The following RAB23 variants were observed in gnomAD, a reference collection of about 807,000 sequenced individuals.
RAB23 encodes RAB23, member RAS oncogene family, also known as ras-related protein Rab-23.
A neutral mutation model predicts 30.0 loss-of-function variants in RAB23; 15 were observed. The observed-to-expected ratio is 0.50, with a 90% confidence interval of 0.33 to 0.77. The LOEUF (loss-of-function observed/expected upper bound fraction) is 0.77. RAB23 is among the 30% of genes least tolerant of loss of function. The probability of loss-of-function intolerance (pLI) is 0.02; values close to 1 mark genes in which losing one functional copy is unlikely to be tolerated. For missense variants in RAB23, 243 were observed against 275.4 expected (o/e 0.88, Z 0.83); for synonymous variants, 93 against 94.0 (o/e 0.99, Z 0.06).
chr6:57,216,646 A>C (rs184982586), intron 1 of RAB23, among the ~76,000 whole-genome samples: 1 of 152,316 alleles, frequency 6.6e-6, no homozygotes, highest in East Asian at 1.9e-4. Context: ...AAGGAATAAA[A>C]GAGTGGCTGC....
At chr6:57,208,106 A>T (rs1342633160) in intron 2 of RAB23, among the ~76,000 whole-genome samples, 1 of 152,234 alleles carries the variant, frequency 6.6e-6, no homozygotes, top group Non-Finnish European at 1.5e-5. Flanking sequence ...AAAACTGAGT[A>T]CTTTCGGATG....
chr6:57,216,241 A>C (rs1765831193), intron 1 of RAB23, among the ~76,000 whole-genome samples: 1 of 152,200 alleles, frequency 6.6e-6, no homozygotes, highest in Admixed American at 6.5e-5. Context: ...ACATTTTAGT[A>C]TGTTCACACA....
chr6:57,207,297 TTTCGTATGTTAGCTTC>T (rs892942099), intron 3 of RAB23, among the ~76,000 whole-genome samples: 4 of 152,200 alleles, frequency 2.6e-5, no homozygotes, highest in Non-Finnish European at 4.4e-5. Context: ...GGCTTTACTT[TTTCGTATGTTAGCTTC>T]CACTCTCTGA....
intron 1 of RAB23, among the ~76,000 whole-genome samples, chr6:57,217,921 T>C (rs1765910428): frequency 1.3e-5 from 2 of 152,204 alleles, no homozygotes; most frequent in African/African-American, 4.8e-5. Flanking sequence ...ACATAGACTC[T>C]GCAGACTCAA....
chr6:57,201,162 C>A (rs1765240137), intron 3 of RAB23, among the ~76,000 whole-genome samples: 1 of 151,136 alleles, frequency 6.6e-6, no homozygotes, highest in African/African-American at 2.4e-5. Flanking sequence ...TGGCTCACGG[C>A]AGCCTCTGCC....
rs899777599 is a variant in RAB23 at position 57,207,749 on chromosome 6, G to A, written c.156-36C>T. 3 of 1,400,910 alleles carry A rather than the reference G, an allele frequency of 2.1e-6. No individual in the cohort carries two copies. In the African/African-American group the frequency reaches 4.3e-5, roughly 20 times the overall value. The allele number at this position is 1,400,910 out of a possible 1,614,324, so 86.8% of individuals were successfully genotyped here. On this transcript the variant is annotated intron_variant, in intron 2 of 6. Transcript: ENST00000468148. Reference sequence around the variant, plus strand: ...AGATGAATTTATTTCATATGTAAAGGAAAATGTTTTTGGTAATATAGCTTT... The same window carrying A: ...AGATGAATTTATTTCATATGTAAAGAAAAATGTTTTTGGTAATATAGCTTT...
intron 3 of RAB23, among the ~76,000 whole-genome samples, chr6:57,199,925 G>A (rs1424874664): frequency 6.6e-6 from 1 of 152,010 alleles, no homozygotes; most frequent in Non-Finnish European, 1.5e-5. Context: ...AAAATACTTT[G>A]TCAAACTGTG....
intron 1 of RAB23, among the ~76,000 whole-genome samples, chr6:57,214,273 G>C (rs562066353): frequency 1.3e-5 from 2 of 152,272 alleles, no homozygotes; most frequent in African/African-American, 4.8e-5. Context: ...CCCCAGTAGA[G>C]AGTCATCATG....
At chr6:57,208,662 C>T (rs561528535) in intron 2 of RAB23, among the ~76,000 whole-genome samples, 1 of 151,380 alleles carries the variant, frequency 6.6e-6, no homozygotes, top group South Asian at 2.1e-4. Context: ...GATTTACCTC[C>T]CTGGCTCACT....
At chr6:57,203,428 C>T (rs555731715) in intron 3 of RAB23, among the ~76,000 whole-genome samples, 2 of 152,248 alleles carry the variant, frequency 1.3e-5, no homozygotes, top group African/African-American at 2.4e-5. Flanking sequence ...ATTAGGCCAG[C>T]CTATCTGTTT....
intron 1 of RAB23, among the ~76,000 whole-genome samples, chr6:57,216,466 G>C (rs1450333627): frequency 2.0e-5 from 3 of 152,114 alleles, no homozygotes; most frequent in Non-Finnish European, 4.4e-5. Context: ...CTCCTTTCAA[G>C]TACCCAGATA....
intron 6 of RAB23, among the ~76,000 whole-genome samples, chr6:57,191,181 G>T (rs536668756): frequency 2.5e-4 from 38 of 152,010 alleles, no homozygotes; most frequent in Admixed American, 1.6e-3. Flanking sequence ...TAGCTAATAC[G>T]CATGGTACAA....
rs1037311798 is a variant in RAB23, at chr6:57,221,816, G to C, written c.-156C>G. 6.6e-6 allele frequency: 1 copy of C among 152,408 alleles called. No homozygotes were observed. Among genetic ancestry groups the C allele is most frequent in the African/African-American group, 2.4e-5 (1 of 41,464 alleles). The allele number at this position is 152,408 out of a possible 1,614,324, so 9.4% of individuals were successfully genotyped here. On this transcript the variant is annotated 5_prime_UTR_variant, in exon 1 of 7. Transcript: ENST00000468148. ...ATCGGTGCTCAGGGAGGGGAGAGCC[G>C]GCGCTCGGCGGTCCGAACCGGGGGA... is the stretch of plus-strand genomic sequence containing the variant.
In RAB23 at chr6:57,193,910, T is replaced by C. The variant is rs1411084318; in HGVS notation, c.506A>G (p.Tyr169Cys). 8 of 1,612,796 alleles carry C rather than the reference T, an allele frequency of 5.0e-6. No individual in the cohort carries two copies. The South Asian group carries it at 6.6e-5, about 13-fold the overall frequency. The change falls in exon 6 of 7, where the codon TAC (tyrosine) becomes TGC (cysteine). Residue 169 changes from tyrosine to cysteine, a missense_variant. By Grantham distance (194) the Tyr-to-Cys change is radical (BLOSUM62 -2). Transcript: ENST00000468148. ...TATTTGTTGTTTGAGTTTCTGAAGG[T>C]ATTTTTCAGCCAAATACTTAAAAAC... ...NEVFKYLAEK[Y>C]LQKLKQQIAE...
chr6:57,210,234 T>C lies in RAB23; in HGVS notation c.147A>G (p.Arg49=). Residue 49 remains arginine, a synonymous_variant, in exon 2 of 7, where the codon CGA becomes CGG. Coordinates refer to ENST00000468148, the MANE Select transcript of RAB23 (RefSeq NM_016277.5). ...KKTIGVDFLE[R]QIQVNDEDVR... ...AATGGCCAAGTACTTACTGAATTTG[T>C]CGCTCCAAAAAATCAACTCCAATGG... The C allele has an allele frequency of 1.9e-6, 3 of 1,614,008 alleles. No individual in the cohort carries two copies. Among genetic ancestry groups the C allele is most frequent in the East Asian group, 2.2e-5 (1 of 44,872 alleles).
chr6:57,190,623 G>GTGAT, intron 6 of RAB23, 23 bp from the exon 7 acceptor site: 1 of 1,613,462 alleles, frequency 6.2e-7, no homozygotes, highest in Non-Finnish European at 8.5e-7. Flanking sequence ...AGGGAAAAGA[G>GTGAT]TGATTGCCAC....
Position 57,210,324 on chromosome 6 carries a change from T to G in RAB23, c.57A>C (p.Ala19=). 1.2e-6 allele frequency: 2 copies of G among 1,613,946 alleles called. No individual in the cohort carries two copies. The highest frequency in any genetic ancestry group is 2.2e-5 in the East Asian group (1 of 44,882). The change falls in exon 2 of 7, where the codon GCA becomes GCC. Residue 19 remains alanine, a synonymous_variant. Coordinates refer to ENST00000468148, the MANE Select transcript of RAB23 (RefSeq NM_016277.5). ...GCTGAATCATACTTGATTTTCCAAC[T>G]GCTCCATTCCCTACAACCACCATCT... ...AIKMVVVGNG[A]VGKSSMIQRY... is the part of the protein sequence containing the mutation.
chr6:57,207,577 A>T (rs1369192573), intron 3 of RAB23, 51 bp downstream of exon 3: 1 of 1,310,904 alleles, frequency 7.6e-7, no homozygotes, highest in South Asian at 1.2e-5. Flanking sequence ...TTATTTATTT[A>T]GCCAAAATAA....
At chr6:57,217,889 G>A (rs933524888) in intron 1 of RAB23, among the ~76,000 whole-genome samples, 9 of 152,004 alleles carry the variant, frequency 5.9e-5, no homozygotes, top group Admixed American at 1.3e-4. Context: ...ACCTAATACC[G>A]GGAATAAAAT....
Sources: gnomAD v4.1 joint callset for allele counts (sites outside exome capture counted in the v4.1 genomes callset) on GRCh38, gnomAD v4.1.1 for gene constraint, MANE v1.5 for transcripts, NCBI Gene and HGNC (gene_info 2026-07-23, HGNC 2026-07-21) for gene names.